GATC: variants seen among roughly 807,000 people sequenced by gnomAD.
GATC encodes the protein glutamyl-tRNA(Gln) amidotransferase subunit C, mitochondrial.
GATC carries 11 observed loss-of-function variants against 14.4 expected under a neutral mutation model. That is an observed-to-expected ratio of 0.77 (90% CI 0.48 to 1.27). The LOEUF is 1.27. Ranked by LOEUF, GATC falls within the 50% of genes most tolerant of loss-of-function variation. GATC has a pLI of 0.00. For missense variants in GATC, 204 were observed against 183.0 expected, an observed-to-expected ratio of 1.11 and a Z score of -0.66; for synonymous variants, 76 against 79.3, an observed-to-expected ratio of 0.96 and a Z score of 0.22.
chr12:120,459,193 T>C (rs971564406), intron 3 of GATC, among the ~76,000 whole-genome samples: 12 of 152,198 alleles, frequency 7.9e-5, no homozygotes, highest in African/African-American at 2.9e-4. Flanking sequence ...TCCAATCCAC[T>C]AAACCACCTG....
Position 120,457,177 on chromosome 12 carries a change from C to T in GATC, c.356C>T (p.Pro119Leu), listed in dbSNP as rs747037373. 1 of 1,606,172 alleles carries T rather than the reference C, an allele frequency of 6.2e-7. No individual in the cohort carries two copies. The highest frequency in any genetic ancestry group is 8.5e-7 in the Non-Finnish European group (1 of 1,173,194). ...GTGGAGGAGTACTTTGTGGCCCCCC[C>T]AGGTACGTGCTGCCCAGAATGGTTT... ...RVVEEYFVAP[P>L]GNISLPKLDE... is the part of the protein sequence containing the mutation. The change falls in exon 3 of 4, where the codon CCA becomes CTA. Residue 119 changes from proline to leucine, a missense_variant and splice_region_variant. Physicochemically the swap from Pro to Leu is moderately conservative, Grantham distance 98. Transcript: ENST00000551765.
chr12:120,458,923 C>T (rs141705207), intron 3 of GATC, among the ~76,000 whole-genome samples: 21 of 152,260 alleles, frequency 1.4e-4, no homozygotes, highest in Middle Eastern at 3.4e-3. Context: ...TGCAGTGGCG[C>T]GATCTCGGCT....
chr12:120,446,474 G>C lies in GATC; in HGVS notation c.-7G>C. The C allele has an allele frequency of 6.2e-7, 1 of 1,605,212 alleles. No homozygotes were observed. Among genetic ancestry groups the C allele is most frequent in the Non-Finnish European group, 8.5e-7 (1 of 1,174,022 alleles). On this transcript the variant is annotated 5_prime_UTR_variant, in exon 1 of 4. Coordinates refer to ENST00000551765, the MANE Select transcript of GATC (RefSeq NM_176818.3). ...CGGGCGCACTGCGGGGGCCAAGGAA[G>C]GAAGAAATGTGGTCGCGGTTGGTGT...
At chr12:120,459,049 A>G (rs563129794) in intron 3 of GATC, among the ~76,000 whole-genome samples, 7 of 151,962 alleles carry the variant, frequency 4.6e-5, no homozygotes, top group Non-Finnish European at 8.8e-5. Flanking sequence ...TTTAGTAGAG[A>G]CGGGGTTTCA....
intron 2 of GATC, among the ~76,000 whole-genome samples, chr12:120,448,251 C>G (rs1160751510): frequency 6.6e-6 from 1 of 151,706 alleles, no homozygotes; most frequent in Admixed American, 6.6e-5. Context: ...GAAACGGGGT[C>G]TTGCCATGTT....
Position 120,462,191 on chromosome 12 carries a change from A to C in GATC, c.*2232A>C. On this transcript the variant is annotated 3_prime_UTR_variant, in exon 4 of 4. Transcript: ENST00000551765. The stretch of plus-strand genomic sequence containing the variant: ...AAATGCAAACAAAAACAAAAAGAGT[A>C]AAGGGGAAAAAAATCAGAGCCAGAA... 1 of 1,582,460 alleles carries C rather than the reference A, an allele frequency of 6.3e-7. No homozygotes were observed. Among genetic ancestry groups the C allele is most frequent in the Non-Finnish European group, 8.6e-7 (1 of 1,163,276 alleles).
chr12:120,456,533 C>T (rs1953816196), intron 2 of GATC, among the ~76,000 whole-genome samples: 1 of 152,192 alleles, frequency 6.6e-6, no homozygotes, highest in Non-Finnish European at 1.5e-5. Flanking sequence ...ACACCCCAGC[C>T]TGCTAAACTC....
chr12:120,450,364 A>T (rs1005874081), intron 2 of GATC: 1 of 152,236 alleles, frequency 6.6e-6, no homozygotes, highest in African/African-American at 2.4e-5. Context: ...AAGTGAAGAC[A>T]AGTATTAAAC....
Position 120,457,056 on chromosome 12 carries a change from T to G in GATC, c.255-20T>G. On this transcript the variant is annotated intron_variant, in intron 2 of 3. Transcript: ENST00000551765. ...GCCCCCTTCTCTGAGAGGGTAACCT[T>G]GAGCTTCTGGGTTTTGTAGATGTCT... 1.3e-4 allele frequency: 205 copies of G among 1,561,614 alleles called. No homozygotes were observed. Among genetic ancestry groups the G allele is most frequent in the Non-Finnish European group, 1.7e-4 (191 of 1,132,344 alleles).
At chr12:120,455,847 G>A (rs566175694) in intron 2 of GATC, among the ~76,000 whole-genome samples, 33 of 152,100 alleles carry the variant, frequency 2.2e-4, no homozygotes, top group Non-Finnish European at 4.3e-4. Flanking sequence ...CACCACGCCC[G>A]GCTAATTTTT....
chr12:120,460,137 A>G lies in GATC; in HGVS notation c.*178A>G, dbSNP rs538994944. The stretch of plus-strand genomic sequence containing the variant: ...AATTGGGAAAGATCTGGCCCCAACA[A>G]GGCAGTGAGTTCCTGATGCTAACTG... On this transcript the variant is annotated 3_prime_UTR_variant, in exon 4 of 4. Transcript: ENST00000551765. 7 of 535,426 alleles carry G rather than the reference A, an allele frequency of 1.3e-5. No homozygotes were observed. The East Asian group carries it at 2.4e-4, about 18-fold the overall frequency. The allele number at this position is 535,426 out of a possible 1,614,324, so 33.2% of individuals were successfully genotyped here.
chr12:120,452,817 C>G (rs957282810), intron 2 of GATC, among the ~76,000 whole-genome samples: 1 of 152,032 alleles, frequency 6.6e-6, no homozygotes, highest in Non-Finnish European at 1.5e-5. Flanking sequence ...ACCTCAGCCT[C>G]CCGAGTAGCT....
chr12:120,447,043 A>G (rs1877890186), intron 2 of GATC, among the ~76,000 whole-genome samples: 1 of 150,028 alleles, frequency 6.7e-6, no homozygotes, highest in Non-Finnish European at 1.5e-5. Context: ...CCGAACTGCT[A>G]ATCACTGCCT....
At chr12:120,451,875 C>CTTTTTTTTTTTCTTTTTT (rs1382761116) in intron 2 of GATC, among the ~76,000 whole-genome samples, 2 of 90,794 alleles carry the variant, frequency 2.2e-5, no homozygotes, top group African/African-American at 4.2e-5. Context: ...TATATAAATT[C>CTTTTTTTTTTTCTTTTTT]TTTTTTTTTT....
rs1454483547 is a variant in GATC at position 120,461,982 on chromosome 12, A to C, written c.*2023A>C. The stretch of plus-strand genomic sequence containing the variant: ...ATTCTGAGCACAAAGCAGCTCAGTT[A>C]ACCTAAAAAATAAAGAAAAAATTCC... On this transcript the variant is annotated 3_prime_UTR_variant, in exon 4 of 4. Coordinates refer to ENST00000551765, the MANE Select transcript of GATC (RefSeq NM_176818.3). 1.3e-6 allele frequency: 2 copies of C among 1,576,040 alleles called. No homozygotes were observed. Among genetic ancestry groups the C allele is most frequent in the Non-Finnish European group, 1.7e-6 (2 of 1,159,460 alleles).
rs1365971218 is a variant in GATC, at chr12:120,461,744, T to C, written c.*1785T>C. 2 of 279,058 alleles carry C rather than the reference T, an allele frequency of 7.2e-6. No homozygotes were observed. The highest frequency in any genetic ancestry group is 7.3e-5 in the East Asian group (1 of 13,700). 17.3% of individuals were successfully genotyped at this position (279,058 alleles called of 1,614,324 possible). On this transcript the variant is annotated 3_prime_UTR_variant, in exon 4 of 4. Transcript: ENST00000551765. ...TCACAGTAACTGTTGATCTCCATAG[T>C]AGAGCAACCCACAAAGACAGAACTG...
intron 2 of GATC, 67 bp from the exon 3 acceptor site, chr12:120,457,009 C>T: frequency 1.0e-6 from 1 of 980,506 alleles, no homozygotes; most frequent in Admixed American, 1.8e-5. Flanking sequence ...TCCTTCTTGC[C>T]CCTCTCCATC....
At chr12:120,459,629 G>A (rs1389376439) in intron 3 of GATC, among the ~76,000 whole-genome samples, 1 of 152,164 alleles carries the variant, frequency 6.6e-6, no homozygotes. Flanking sequence ...GGCCGAGGAG[G>A]GCGGATCACG....
intron 3 of GATC, among the ~76,000 whole-genome samples, chr12:120,459,561 A>G (rs932563552): frequency 4.6e-5 from 7 of 152,192 alleles, no homozygotes; most frequent in African/African-American, 1.7e-4. Context: ...CTCAGCTATA[A>G]CATTCTCTGT....
Sources: gnomAD v4.1 joint callset for allele counts (sites outside exome capture counted in the v4.1 genomes callset) on GRCh38, gnomAD v4.1.1 for gene constraint, MANE v1.5 for transcripts, NCBI Gene and HGNC (gene_info 2026-07-23, HGNC 2026-07-21) for gene names.